Variants in KHDRBS2 observed in about 807,000 individuals in gnomAD.
KHDRBS2 encodes KH domain-containing, RNA-binding, signal transduction-associated protein 2.
A neutral mutation model predicts 44.3 loss-of-function variants in KHDRBS2; 26 were observed. The ratio of observed to expected loss-of-function variants is 0.59; its 90% CI spans 0.43 to 0.81. The LOEUF is 0.81. Among genes scored for constraint, KHDRBS2 ranks in the 40% least tolerant of loss-of-function variants. The pLI is 0.00. For synonymous variants in KHDRBS2, 194 were observed against 151.1 expected (o/e 1.28, Z -2.08); for missense variants, 476 against 433.1 (o/e 1.10, Z -0.88).
chr6:61,795,064 G>A (rs944527525), intron 6 of KHDRBS2, among the ~76,000 whole-genome samples: 1 of 149,518 alleles, frequency 6.7e-6, no homozygotes, highest in Non-Finnish European at 1.5e-5. Flanking sequence ...ACTTGAACCC[G>A]GGAGGTGGAG....
intron 1 of KHDRBS2, among the ~76,000 whole-genome samples, chr6:62,232,844 A>G (rs1279653970): frequency 6.6e-6 from 1 of 152,178 alleles, no homozygotes; most frequent in East Asian, 1.9e-4. Context: ...TAAGAAGCCT[A>G]GAATTAAGGT....
At chr6:61,825,779 G>A (rs758877979) in intron 6 of KHDRBS2, among the ~76,000 whole-genome samples, 3 of 152,120 alleles carry the variant, frequency 2.0e-5, no homozygotes, top group South Asian at 2.1e-4. Context: ...TAGGGAAAGC[G>A]ACTTTACCTC....
At chr6:61,978,287 A>G (rs1773128990) in intron 3 of KHDRBS2, 75 bp from the exon 4 acceptor site, 4 of 1,176,230 alleles carry the variant, frequency 3.4e-6, no homozygotes, top group Non-Finnish European at 4.8e-6. Context: ...AGAATATGAC[A>G]AAGGTGTATA....
At chr6:62,183,575 G>C (rs1341611599) in intron 1 of KHDRBS2, among the ~76,000 whole-genome samples, 1 of 151,564 alleles carries the variant, frequency 6.6e-6, no homozygotes, top group Non-Finnish European at 1.5e-5. Context: ...GAAGTTTCTA[G>C]TTCTATGGAA....
intron 3 of KHDRBS2, among the ~76,000 whole-genome samples, chr6:62,022,076 T>C (rs148424940): frequency 6.6e-6 from 1 of 150,852 alleles, no homozygotes; most frequent in East Asian, 1.9e-4. Context: ...GTTTTCCAAA[T>C]GCTAGATCAA....
chr6:62,000,122 A>AGTGTGT (rs142429684), intron 3 of KHDRBS2, among the ~76,000 whole-genome samples: 1 of 150,416 alleles, frequency 6.6e-6, no homozygotes, highest in African/African-American at 2.4e-5. Flanking sequence ...CAATTGTGTG[A>AGTGTGT]GTGTGTGTGT....
intron 6 of KHDRBS2, among the ~76,000 whole-genome samples, chr6:61,780,461 A>C (rs1782765173): frequency 6.6e-6 from 1 of 152,208 alleles, no homozygotes; most frequent in Admixed American, 6.5e-5. Flanking sequence ...AGTACACTTC[A>C]GCCTGGGCGA....
intron 3 of KHDRBS2, among the ~76,000 whole-genome samples, chr6:62,017,069 G>A (rs1781347561): frequency 1.3e-5 from 2 of 151,698 alleles, no homozygotes; most frequent in South Asian, 4.2e-4. Context: ...CCTCATCGCT[G>A]GTTTTGTTTT....
intron 7 of KHDRBS2, among the ~76,000 whole-genome samples, chr6:61,709,291 T>A (rs562493332): frequency 8.0e-4 from 122 of 151,728 alleles, no homozygotes; most frequent in Non-Finnish European, 1.6e-3. Context: ...GTTCACAGGA[T>A]GAAATATAGG....
intron 4 of KHDRBS2, among the ~76,000 whole-genome samples, chr6:61,959,931 T>G (rs1768266775): frequency 6.6e-6 from 1 of 152,182 alleles, no homozygotes; most frequent in African/African-American, 2.4e-5. Flanking sequence ...TTCAACGGAC[T>G]CAAGGCTTGG....
intron 5 of KHDRBS2, among the ~76,000 whole-genome samples, chr6:61,896,423 T>C (rs1250665725): frequency 1.3e-5 from 2 of 152,126 alleles, no homozygotes; most frequent in Admixed American, 1.3e-4. Flanking sequence ...GATTTCTAAA[T>C]TTATAGTACT....
chr6:61,784,058 A>G lies in KHDRBS2; in HGVS notation c.811-51294T>C, dbSNP rs190027995. ...TTAATTCAGTTAAAAAATAAACCCT[A>G]AAATTAAATCTAACAATAAGTATAG... On this transcript the variant is annotated intron_variant, in intron 6 of 8. Transcript: ENST00000281156. Among the ~76,000 whole-genome samples the G allele has an allele frequency of 1.4e-4, 22 of 152,090 alleles. No individual in the cohort carries two copies. In the East Asian group the frequency reaches 3.1e-3, roughly 21 times the overall value.
chr6:62,010,502 A>G (rs1454779035), intron 3 of KHDRBS2, among the ~76,000 whole-genome samples: 1 of 152,102 alleles, frequency 6.6e-6, no homozygotes, highest in Non-Finnish European at 1.5e-5. Context: ...GAGATTTGGA[A>G]GGGACCAGGG....
chr6:61,989,204 G>A (rs1287514927), intron 3 of KHDRBS2, among the ~76,000 whole-genome samples: 2 of 152,078 alleles, frequency 1.3e-5, no homozygotes, highest in Non-Finnish European at 2.9e-5. Context: ...TAGGCCTTTT[G>A]TCAGGTTTAT....
intron 4 of KHDRBS2, among the ~76,000 whole-genome samples, chr6:61,964,109 C>A (rs530210543): frequency 3.9e-5 from 6 of 151,938 alleles, no homozygotes; most frequent in South Asian, 2.1e-4. Context: ...CCTTGCACTG[C>A]GGCTCGTTAC....
chr6:61,544,781 G>A, the KHDRBS2 span, among the ~76,000 whole-genome samples: 1 of 151,992 alleles, frequency 6.6e-6, no homozygotes, highest in Non-Finnish European at 1.5e-5. Flanking sequence ...TCCTTTGTAG[G>A]GACATGGATG....
the KHDRBS2 span, among the ~76,000 whole-genome samples, chr6:61,664,451 G>A: frequency 6.6e-6 from 1 of 151,586 alleles, no homozygotes; most frequent in Admixed American, 6.6e-5. Flanking sequence ...ACAACAACAA[G>A]AACTGAGGAA....
intron 6 of KHDRBS2, among the ~76,000 whole-genome samples, chr6:61,772,964 C>A (rs893537635): frequency 2.2e-4 from 34 of 152,124 alleles, no homozygotes; most frequent in Non-Finnish European, 2.9e-4. Flanking sequence ...TACAAAGGAC[C>A]TGAACTCATC....
intron 2 of KHDRBS2, among the ~76,000 whole-genome samples, chr6:62,125,358 A>C (rs1808715445): frequency 6.6e-6 from 1 of 152,184 alleles, no homozygotes; most frequent in South Asian, 2.1e-4. Context: ...AGTTTCAGTA[A>C]GCCTTGCCAT....
Sources: gnomAD v4.1 joint callset for allele counts (sites outside exome capture counted in the v4.1 genomes callset) on GRCh38, gnomAD v4.1.1 for gene constraint, MANE v1.5 for transcripts, NCBI Gene and HGNC (gene_info 2026-07-23, HGNC 2026-07-21) for gene names.